HPSE2: variants seen among roughly 807,000 people sequenced by gnomAD.
HPSE2 encodes the protein heparanase 2 (inactive).
Under a neutral mutation model 60.5 loss-of-function variants are expected in HPSE2, and 38 were observed. The observed-to-expected ratio is 0.63, with a 90% confidence interval of 0.48 to 0.82. The LOEUF is 0.82. Among genes scored for constraint, HPSE2 ranks in the 40% least tolerant of loss-of-function variants. The pLI is 0.00. For missense variants in HPSE2, 713 were observed against 740.4 expected (o/e 0.96, Z 0.43); for synonymous variants, 295 against 293.2 (o/e 1.01, Z -0.06).
intron 3 of HPSE2, among the ~76,000 whole-genome samples, chr10:99,043,492 T>TA (rs1473392606): frequency 5.9e-5 from 9 of 151,928 alleles, no homozygotes; most frequent in Middle Eastern, 3.4e-3. Context: ...CTCCATCTCA[T>TA]AAAAACAAAC....
At chr10:99,201,713 G>A (rs1337979823) in intron 2 of HPSE2, among the ~76,000 whole-genome samples, 1 of 152,100 alleles carries the variant, frequency 6.6e-6, no homozygotes, top group Non-Finnish European at 1.5e-5. Context: ...GAGTATCCCT[G>A]CCTTTCCAAA....
intron 3 of HPSE2, among the ~76,000 whole-genome samples, chr10:99,128,601 T>A (rs899886611): frequency 6.6e-6 from 1 of 152,132 alleles, no homozygotes; most frequent in Non-Finnish European, 1.5e-5. Context: ...AAACACCATA[T>A]GTTCTCACTT....
chr10:98,590,871 C>T (rs1945071778), intron 9 of HPSE2, among the ~76,000 whole-genome samples: 1 of 152,058 alleles, frequency 6.6e-6, no homozygotes. Context: ...GTTTCTCTAC[C>T]TTTAAAAAAT....
At chr10:98,708,405 G>A (rs905362443) in intron 5 of HPSE2, among the ~76,000 whole-genome samples, 39 of 147,478 alleles carry the variant, frequency 2.6e-4, no homozygotes, top group Admixed American at 6.1e-4. Flanking sequence ...GCAGTGAGCC[G>A]AGATCACACC....
intron 4 of HPSE2, among the ~76,000 whole-genome samples, chr10:98,724,989 C>G (rs11189780): frequency 0.16 from 24,484 of 151,806 alleles, 2,243 homozygotes; most frequent in Admixed American, 0.24. Flanking sequence ...AAATAAAAGA[C>G]GATACAAACA....
chr10:99,009,105 G>T (rs571939181), intron 3 of HPSE2, among the ~76,000 whole-genome samples: 1 of 151,946 alleles, frequency 6.6e-6, no homozygotes, highest in East Asian at 1.9e-4. Context: ...TGTTCTGAAG[G>T]CTATTAAAAG....
chr10:99,228,703 T>C (rs1039742457), intron 2 of HPSE2, among the ~76,000 whole-genome samples: 3 of 152,186 alleles, frequency 2.0e-5, no homozygotes, highest in African/African-American at 7.2e-5. Context: ...TAGAGTAGAA[T>C]AGTTAACTGC....
intron 2 of HPSE2, among the ~76,000 whole-genome samples, chr10:99,205,056 A>G (rs1175284709): frequency 6.6e-6 from 1 of 152,190 alleles, no homozygotes; most frequent in Non-Finnish European, 1.5e-5. Flanking sequence ...CATGGTCATA[A>G]AGATGTAAAT....
chr10:99,036,330 A>T (rs1957609062), intron 3 of HPSE2, among the ~76,000 whole-genome samples: 1 of 152,212 alleles, frequency 6.6e-6, no homozygotes, highest in African/African-American at 2.4e-5. Context: ...GAAAATATAG[A>T]TGAGCCTGGA....
chr10:99,161,331 T>G (rs1211559579), intron 2 of HPSE2, among the ~76,000 whole-genome samples: 1 of 151,876 alleles, frequency 6.6e-6, no homozygotes, highest in African/African-American at 2.4e-5. Context: ...AAACAAAATG[T>G]GGCAAATCCA....
chr10:98,563,295 G>A (rs1944244720), intron 9 of HPSE2, among the ~76,000 whole-genome samples: 1 of 152,070 alleles, frequency 6.6e-6, no homozygotes, highest in African/African-American at 2.4e-5. Context: ...ATTATGCTAA[G>A]TCAAAGAACC....
intron 6 of HPSE2, among the ~76,000 whole-genome samples, chr10:98,683,597 T>G (rs1947839549): frequency 6.6e-6 from 1 of 151,708 alleles, no homozygotes; most frequent in African/African-American, 2.4e-5. Context: ...AACATGTAAG[T>G]TTCAACAGAA....
chr10:98,931,788 G>C (rs374530789), intron 3 of HPSE2, among the ~76,000 whole-genome samples: 2 of 143,560 alleles, frequency 1.4e-5, no homozygotes, highest in African/African-American at 5.7e-5. Flanking sequence ...TGGTGTATAG[G>C]AATGCTTGTG....
intron 3 of HPSE2, among the ~76,000 whole-genome samples, chr10:98,918,971 G>C (rs896868589): frequency 6.6e-6 from 1 of 152,098 alleles, no homozygotes; most frequent in African/African-American, 2.4e-5. Context: ...GCCAAGCATT[G>C]TGCTAGGTGC....
At chr10:98,697,746 G>T (rs1039820847) in intron 5 of HPSE2, among the ~76,000 whole-genome samples, 1 of 151,976 alleles carries the variant, frequency 6.6e-6, no homozygotes, top group Non-Finnish European at 1.5e-5. Context: ...AAATGTTAAG[G>T]GCAGCCAGAG....
At chr10:99,275,967 G>A in the HPSE2 span, among the ~76,000 whole-genome samples, 12 of 152,200 alleles carry the variant, frequency 7.9e-5, no homozygotes, top group Non-Finnish European at 5.9e-5. Context: ...AAAGCACATC[G>A]TATCATGGAC....
chr10:98,593,083 T>C (rs1262032087), intron 9 of HPSE2, among the ~76,000 whole-genome samples: 1 of 152,254 alleles, frequency 6.6e-6, no homozygotes, highest in Admixed American at 6.5e-5. Flanking sequence ...GTACCTCTTA[T>C]GTGCTAGGTA....
At chr10:99,029,323 G>A (rs1957445787) in intron 3 of HPSE2, among the ~76,000 whole-genome samples, 1 of 152,150 alleles carries the variant, frequency 6.6e-6, no homozygotes, top group Non-Finnish European at 1.5e-5. Flanking sequence ...GCCCCACAGG[G>A]TCGGTGGGTC....
intron 3 of HPSE2, among the ~76,000 whole-genome samples, chr10:98,920,962 T>G (rs2135062128): frequency 6.6e-6 from 1 of 152,268 alleles, no homozygotes; most frequent in African/African-American, 2.4e-5. Flanking sequence ...GACATTGCCT[T>G]AGAGTCAACA....
Sources: gnomAD v4.1 joint callset for allele counts (sites outside exome capture counted in the v4.1 genomes callset) on GRCh38, gnomAD v4.1.1 for gene constraint, MANE v1.5 for transcripts, NCBI Gene and HGNC (gene_info 2026-07-23, HGNC 2026-07-21) for gene names.